The following CNKSR3 variants were observed in gnomAD, a reference collection of about 807,000 sequenced individuals.
The protein encoded by CNKSR3 is CNKSR family member 3.
CNKSR3 carries 36 observed loss-of-function variants against 67.7 expected under a neutral mutation model. That is an observed-to-expected ratio of 0.53 (90% CI 0.41 to 0.70). The LOEUF is 0.70. Among genes scored for constraint, CNKSR3 ranks in the 30% least tolerant of loss-of-function variants. The probability of loss-of-function intolerance (pLI) is 0.00; values close to 1 mark genes in which losing one functional copy is unlikely to be tolerated. For synonymous variants in CNKSR3, 281 were observed against 271.4 expected, an observed-to-expected ratio of 1.04 and a Z score of -0.35; for missense variants, 630 against 695.2, an observed-to-expected ratio of 0.91 and a Z score of 1.05.
chr6:154,487,025 C>T (rs1245055608), intron 1 of CNKSR3, among the ~76,000 whole-genome samples: 1 of 152,082 alleles, frequency 6.6e-6, no homozygotes, highest in Non-Finnish European at 1.5e-5. Context: ...GATTCTCCTG[C>T]CTCAGCCTCC....
chr6:154,441,312 G>C lies in CNKSR3; in HGVS notation c.487C>G (p.Leu163Val), dbSNP rs1373606366. 3.1e-6 allele frequency: 5 copies of C among 1,611,944 alleles called. No homozygotes were observed. Among genetic ancestry groups the C allele is most frequent in the Non-Finnish European group, 4.2e-6 (5 of 1,178,816 alleles). Reference protein sequence around the residue: ...KNKIIQLCLDLTTTVQKDCFV... With the variant: ...KNKIIQLCLDVTTTVQKDCFV... ...CTGACCTTCTGGACTGTAGTGGTCAGGTCCAAGCAAAGCTGGATAATTTTG... is the reference window on the plus strand; with the variant it reads ...CTGACCTTCTGGACTGTAGTGGTCACGTCCAAGCAAAGCTGGATAATTTTG... The change falls in exon 4 of 13, where the codon CTG becomes GTG. Residue 163 changes from leucine (L) to valine (V), a missense_variant. Physicochemically the swap from Leu to Val is conservative, Grantham distance 32. Around this residue, in one of 3 missense-constraint regions of CNKSR3, gnomAD observed 189 missense variants for 205.0 expected, o/e 0.92. Transcript: ENST00000607772.
At chr6:154,460,051 C>G (rs531925541) in intron 1 of CNKSR3, among the ~76,000 whole-genome samples, 1 of 152,340 alleles carries the variant, frequency 6.6e-6, no homozygotes, top group African/African-American at 2.4e-5. Flanking sequence ...CTGCCCCCAC[C>G]CCCTCCTGGG....
In CNKSR3 at chr6:154,410,918, A is replaced by T. The variant is rs772791233; in HGVS notation, c.1279+16T>A. The T allele has an allele frequency of 3.1e-6, 5 of 1,596,002 alleles. No individual in the cohort carries two copies. In the South Asian group the frequency reaches 5.6e-5, roughly 18 times the overall value. ...TCAAGGCCAACGGCAGAACAAAACAAACACTTGAAACTTACCATAAGATGG... is the reference window on the plus strand; with the variant it reads ...TCAAGGCCAACGGCAGAACAAAACATACACTTGAAACTTACCATAAGATGG... On this transcript the variant is annotated intron_variant, in intron 11 of 12. Coordinates refer to ENST00000607772, the MANE Select transcript of CNKSR3 (RefSeq NM_173515.4).
chr6:154,468,777 T>C (rs1199255730), intron 1 of CNKSR3, among the ~76,000 whole-genome samples: 1 of 152,178 alleles, frequency 6.6e-6, no homozygotes, highest in Non-Finnish European at 1.5e-5. Flanking sequence ...GTCAGACAAC[T>C]TGGGCTTAAG....
At chr6:154,465,132 T>C (rs1786167994) in intron 1 of CNKSR3, among the ~76,000 whole-genome samples, 1 of 125,308 alleles carries the variant, frequency 8.0e-6, no homozygotes, top group Non-Finnish European at 1.6e-5. Context: ...CTGGGCAAGA[T>C]TCTGTCTCAA....
intron 7 of CNKSR3, among the ~76,000 whole-genome samples, chr6:154,424,230 CAAAAA>C (rs56218677): frequency 2.7e-5 from 2 of 73,008 alleles, no homozygotes; most frequent in African/African-American, 9.8e-5. Context: ...GACTCCGTCT[CAAAAA>C]AAAAAAAAAA....
At chr6:154,481,687 G>A (rs1786570926) in intron 1 of CNKSR3, among the ~76,000 whole-genome samples, 1 of 152,186 alleles carries the variant, frequency 6.6e-6, no homozygotes, top group Non-Finnish European at 1.5e-5. Context: ...AAGGAGACCT[G>A]ATGACCAGGT....
At chr6:154,500,803 T>C (rs557511786) in intron 1 of CNKSR3, among the ~76,000 whole-genome samples, 2 of 152,194 alleles carry the variant, frequency 1.3e-5, no homozygotes, top group Admixed American at 1.3e-4. Flanking sequence ...ATCTTATTGA[T>C]TCGCATTCTA....
intron 1 of CNKSR3, among the ~76,000 whole-genome samples, chr6:154,491,469 A>G (rs1786783446): frequency 6.6e-6 from 1 of 152,244 alleles, no homozygotes; most frequent in African/African-American, 2.4e-5. Context: ...ACCAGACATG[A>G]CATACATATG....
intron 9 of CNKSR3, among the ~76,000 whole-genome samples, chr6:154,417,976 G>A (rs114360915): frequency 0.023 from 3,523 of 152,230 alleles, 68 homozygotes; most frequent in African/African-American, 0.054. Flanking sequence ...CAGGCAACCA[G>A]TCCAACTTTA....
Position 154,403,425 on chromosome 6 carries a change from T to A in CNKSR3, c.*2929A>T, listed in dbSNP as rs1005276476. On this transcript the variant is annotated 3_prime_UTR_variant, in exon 13 of 13. Transcript: ENST00000607772. ...TCTGTCTCAGAAAAAAAAAAAAATTTTTTTTAAAGAAATAAAAATAAAGAA... is the reference window on the plus strand; with the variant it reads ...TCTGTCTCAGAAAAAAAAAAAAATTATTTTTAAAGAAATAAAAATAAAGAA... The A allele has an allele frequency of 6.6e-6, 1 of 151,390 alleles. No individual in the cohort carries two copies. Among genetic ancestry groups the A allele is most frequent in the African/African-American group, 2.4e-5 (1 of 41,268 alleles). 9.4% of individuals were successfully genotyped at this position (151,390 alleles called of 1,614,324 possible).
intron 3 of CNKSR3, among the ~76,000 whole-genome samples, chr6:154,441,851 A>G (rs947529152): frequency 6.6e-6 from 1 of 152,174 alleles, no homozygotes; most frequent in Non-Finnish European, 1.5e-5. Flanking sequence ...GTAAAACACA[A>G]CCTTTAGCAC....
chr6:154,440,426 TC>T (rs1354661194), intron 4 of CNKSR3, among the ~76,000 whole-genome samples: 1 of 152,158 alleles, frequency 6.6e-6, no homozygotes, highest in African/African-American at 2.4e-5. Flanking sequence ...TCAATTCAAT[TC>T]AAAAATATTT....
At chr6:154,479,507 C>T (rs1786523580) in intron 1 of CNKSR3, among the ~76,000 whole-genome samples, 2 of 152,188 alleles carry the variant, frequency 1.3e-5, no homozygotes, top group South Asian at 4.1e-4. Context: ...CATCCAAACT[C>T]AAGCACAAAA....
In CNKSR3 at chr6:154,396,729, T is replaced by C. The variant is rs1784664317; in HGVS notation, c.*9625A>G. The C allele has an allele frequency of 6.6e-6, 1 of 152,118 alleles. No individual in the cohort carries two copies. Among genetic ancestry groups the C allele is most frequent in the African/African-American group, 2.4e-5 (1 of 41,428 alleles). 9.4% of individuals were successfully genotyped at this position (152,118 alleles called of 1,614,324 possible). Reference sequence around the variant, plus strand: ...GAGAAGGATGAGTCCATTATCAGGATTTAAGAATCCAGAACTAAGTGCTAA... The same window carrying C: ...GAGAAGGATGAGTCCATTATCAGGACTTAAGAATCCAGAACTAAGTGCTAA... On this transcript the variant is annotated 3_prime_UTR_variant, in exon 13 of 13. Transcript: ENST00000607772.
chr6:154,436,670 C>G (rs1785477703), intron 4 of CNKSR3, among the ~76,000 whole-genome samples: 1 of 152,088 alleles, frequency 6.6e-6, no homozygotes. Flanking sequence ...TATTTCTTTC[C>G]AGACTGAAAC....
rs200938575 is a variant in CNKSR3 at position 154,404,849 on chromosome 6, CAAAA to C, written c.*1501_*1504del. On this transcript the variant is annotated 3_prime_UTR_variant, in exon 13 of 13. Coordinates refer to ENST00000607772, the MANE Select transcript of CNKSR3 (RefSeq NM_173515.4). The stretch of plus-strand genomic sequence containing the variant: ...TCCATCTCAAAAACAAACAAACAAA[CAAAA>C]AAAACCAGCCTGACTGAATTCAGTC... The C allele has an allele frequency of 0.029, 4,374 of 151,932 alleles. 77 individuals are homozygous for C. Among genetic ancestry groups the C allele is most frequent in the Middle Eastern group, 0.089 (26 of 292 alleles). 9.4% of individuals were successfully genotyped at this position (151,932 alleles called of 1,614,324 possible). A position where few individuals can be genotyped will look rare whatever the true frequency, so the allele number is the denominator to read the frequency against.
chr6:154,414,692 A>G (rs752319354), intron 9 of CNKSR3: 1 of 570,408 alleles, frequency 1.8e-6, no homozygotes, highest in African/African-American at 1.8e-5. Context: ...GCTCTGAGCA[A>G]ATCACTTAAA....
rs1019462053 is a variant in CNKSR3, at chr6:154,450,010, T to C, written c.216+85A>G. 3.1e-6 allele frequency: 4 copies of C among 1,293,424 alleles called. No homozygotes were observed. In the African/African-American group the frequency reaches 4.5e-5, roughly 15 times the overall value. 80.1% of individuals were successfully genotyped at this position (1,293,424 alleles called of 1,614,324 possible). On this transcript the variant is annotated intron_variant, in intron 2 of 12. Transcript: ENST00000607772. ...ATGGAGCATTAAGGAAAGAGTGATA[T>C]GCTAAATCACAAACAATGACGGCTT...
Sources: gnomAD v4.1 joint callset for allele counts (sites outside exome capture counted in the v4.1 genomes callset) on GRCh38, gnomAD v4.1.1 for gene constraint, gnomAD v4.1.1 regional missense constraint, MANE v1.5 for transcripts, NCBI Gene and HGNC (gene_info 2026-07-23, HGNC 2026-07-21) for gene names.